Variants in PRMT3 observed in about 807,000 individuals in gnomAD.
PRMT3 encodes protein arginine methyltransferase 3, also known as protein arginine N-methyltransferase 3.
Under a neutral mutation model 71.9 loss-of-function variants are expected in PRMT3, and 62 were observed. That is an observed-to-expected ratio of 0.86 (90% CI 0.70 to 1.07). The LOEUF is 1.07. PRMT3 is among the 50% of genes least tolerant of loss of function. The pLI, the probability that PRMT3 is intolerant of heterozygous loss-of-function variation, is 0.00. For missense variants in PRMT3, 663 were observed against 643.0 expected (o/e 1.03, Z -0.34); for synonymous variants, 213 against 220.4 (o/e 0.97, Z 0.30).
intron 9 of PRMT3, among the ~76,000 whole-genome samples, chr11:20,413,427 C>G (rs942311562): frequency 2.6e-5 from 4 of 152,094 alleles, no homozygotes; most frequent in Non-Finnish European, 4.4e-5. Flanking sequence ...CCCCTTTAAG[C>G]CCTGATTTCT....
chr11:20,490,319 G>T (rs1161060157), intron 13 of PRMT3, among the ~76,000 whole-genome samples: 2 of 152,126 alleles, frequency 1.3e-5, no homozygotes, highest in African/African-American at 4.8e-5. Flanking sequence ...ATTTGTCATA[G>T]ATTCTTTCCA....
intron 10 of PRMT3, among the ~76,000 whole-genome samples, chr11:20,451,775 G>T (rs919985431): frequency 6.6e-6 from 1 of 152,052 alleles, no homozygotes; most frequent in Admixed American, 6.6e-5. Flanking sequence ...ATCAAGTGGA[G>T]AACCACTGCT....
At chr11:20,441,337 G>A (rs900685026) in intron 10 of PRMT3, among the ~76,000 whole-genome samples, 4 of 149,580 alleles carry the variant, frequency 2.7e-5, no homozygotes, top group African/African-American at 4.9e-5. Flanking sequence ...ATGGAGTCTC[G>A]CTCTTTCGCC....
intron 10 of PRMT3, among the ~76,000 whole-genome samples, chr11:20,437,588 T>G (rs1455458485): frequency 2.0e-5 from 3 of 149,370 alleles, no homozygotes; most frequent in Non-Finnish European, 4.5e-5. Flanking sequence ...AGCAGCATAG[T>G]TTTTTTTGTT....
intron 15 of PRMT3, among the ~76,000 whole-genome samples, chr11:20,497,729 GGAGCAAATGT>G (rs1167733952): frequency 3.9e-5 from 6 of 152,168 alleles, no homozygotes; most frequent in Non-Finnish European, 8.8e-5. Context: ...CAAAGTAGTT[GGAGCAAATGT>G]GTACCAAGGA....
chr11:20,391,606 G>T (rs987682863), intron 3 of PRMT3, among the ~76,000 whole-genome samples: 13 of 145,664 alleles, frequency 8.9e-5, no homozygotes, highest in African/African-American at 2.9e-4. Context: ...ATTTTGTTTT[G>T]TTTTTTTTTT....
intron 13 of PRMT3, among the ~76,000 whole-genome samples, chr11:20,472,020 A>G (rs1164358726): frequency 6.6e-6 from 1 of 152,032 alleles, no homozygotes; most frequent in Non-Finnish European, 1.5e-5. Flanking sequence ...GTATATGAGA[A>G]TGCTAGTGAC....
chr11:20,404,344 C>T (rs1275617321), intron 8 of PRMT3, among the ~76,000 whole-genome samples: 3 of 150,152 alleles, frequency 2.0e-5, no homozygotes, highest in Non-Finnish European at 1.5e-5. Context: ...AGCGATTCTC[C>T]TGCGTCAGCC....
chr11:20,452,554 T>C (rs1850174240), intron 11 of PRMT3, among the ~76,000 whole-genome samples: 1 of 152,188 alleles, frequency 6.6e-6, no homozygotes. Flanking sequence ...TTCCCTTTTT[T>C]CCCAATGGCA....
intron 13 of PRMT3, among the ~76,000 whole-genome samples, chr11:20,488,165 C>A (rs1184255623): frequency 6.6e-6 from 1 of 151,870 alleles, no homozygotes; most frequent in African/African-American, 2.4e-5. Flanking sequence ...AGAAAGAGTC[C>A]GTAATTTAAT....
intron 13 of PRMT3, among the ~76,000 whole-genome samples, chr11:20,484,433 A>AATGTC (rs1851022566): frequency 6.6e-6 from 1 of 151,998 alleles, no homozygotes; most frequent in African/African-American, 2.4e-5. Context: ...TCCTCACCCA[A>AATGTC]ATCTTGAATT....
intron 9 of PRMT3, among the ~76,000 whole-genome samples, chr11:20,424,413 AT>A (rs1395930286): frequency 6.6e-6 from 1 of 152,330 alleles, no homozygotes; most frequent in Non-Finnish European, 1.5e-5. Context: ...TGACAAAGAT[AT>A]CAAAGTAATT....
intron 13 of PRMT3, among the ~76,000 whole-genome samples, chr11:20,479,990 A>C (rs762810915): frequency 6.6e-6 from 1 of 152,216 alleles, no homozygotes; most frequent in South Asian, 2.1e-4. Flanking sequence ...GAGCTTGGCA[A>C]TATAGCACAA....
At chr11:20,415,497 A>G (rs753708116) in intron 9 of PRMT3, among the ~76,000 whole-genome samples, 2 of 146,958 alleles carry the variant, frequency 1.4e-5, no homozygotes, top group African/African-American at 2.4e-5. Context: ...ACCATAGGCA[A>G]AGAGGTCACA....
At chr11:20,480,597 A>G (rs1005422608) in intron 13 of PRMT3, among the ~76,000 whole-genome samples, 4 of 152,152 alleles carry the variant, frequency 2.6e-5, no homozygotes, top group Non-Finnish European at 5.9e-5. Context: ...TGGCTAGAAT[A>G]TGGAGAACAA....
chr11:20,389,916 C>T, intron 3 of PRMT3, 90 bp downstream of exon 3: 3 of 962,550 alleles, frequency 3.1e-6, no homozygotes, highest in Non-Finnish European at 4.9e-6. Flanking sequence ...CTTTGGGAGG[C>T]TGAGGTGGGT....
intron 13 of PRMT3, among the ~76,000 whole-genome samples, chr11:20,466,834 T>C: frequency 6.6e-6 from 1 of 152,202 alleles, no homozygotes; most frequent in East Asian, 1.9e-4. Context: ...ACTTTTAATA[T>C]TGAAGAATCT....
At chr11:20,499,619 C>CTAT (rs1241781084) in intron 15 of PRMT3, among the ~76,000 whole-genome samples, 5 of 151,798 alleles carry the variant, frequency 3.3e-5, no homozygotes, top group African/African-American at 1.2e-4. Flanking sequence ...GAGCAAGGTC[C>CTAT]TATTTCTAAA....
chr11:20,441,094 A>G (rs1849884252), intron 10 of PRMT3, among the ~76,000 whole-genome samples: 2 of 151,946 alleles, frequency 1.3e-5, no homozygotes, highest in Admixed American at 6.6e-5. Context: ...ATACACAGAA[A>G]ATATCAAATA....
Sources: allele counts gnomAD v4.1 joint callset (sites outside exome capture counted in the v4.1 genomes callset), GRCh38; gene constraint gnomAD v4.1.1; transcripts MANE v1.5; gene names NCBI Gene and HGNC (gene_info 2026-07-23, HGNC 2026-07-21).